Variants in PDE4D observed in about 807,000 individuals in gnomAD.
The protein encoded by PDE4D is 3',5'-cyclic-AMP phosphodiesterase 4D.
Under a neutral mutation model 87.4 loss-of-function variants are expected in PDE4D, and 24 were observed. The ratio of observed to expected loss-of-function variants is 0.27; its 90% CI spans 0.20 to 0.39. PDE4D has a LOEUF of 0.39. Among genes scored for constraint, PDE4D ranks in the 10% least tolerant of loss-of-function variants. The pLI is 1.00. For missense variants in PDE4D, 714 were observed against 1,041.0 expected, an observed-to-expected ratio of 0.69 and a Z score of 4.32; for synonymous variants, 384 against 383.2, an observed-to-expected ratio of 1.00 and a Z score of -0.02.
rs144431221 is a variant in PDE4D at position 59,317,580 on chromosome 5, G to T, written c.456-101612C>A. ...CTGCAGGCATACAGAGTCAGATTAC[G>T]TCTGACTGAATCTGCTTTCTCTATT... On this transcript the variant is annotated intron_variant, in intron 1 of 14. Coordinates refer to ENST00000340635, the MANE Select transcript of PDE4D (RefSeq NM_001104631.2). Among the ~76,000 whole-genome samples the T allele has an allele frequency of 4.6e-3, 702 of 152,136 alleles. 4 individuals carry two copies. The highest frequency in any genetic ancestry group is 0.02 in the South Asian group (94 of 4,816).
At chr5:59,425,831 A>C (rs1050808628) in intron 1 of PDE4D, among the ~76,000 whole-genome samples, 4 of 152,176 alleles carry the variant, frequency 2.6e-5, no homozygotes, top group Non-Finnish European at 4.4e-5. Flanking sequence ...TCGGATTACT[A>C]TCTCTCTCCA....
intron 1 of PDE4D, among the ~76,000 whole-genome samples, chr5:59,257,561 A>G (rs947109396): frequency 2.0e-5 from 3 of 151,988 alleles, no homozygotes; most frequent in African/African-American, 7.2e-5. Flanking sequence ...TTACTCACAT[A>G]TATCTACTAT....
chr5:59,914,236 A>T (rs1368937241), intron 3 of PDE4D, among the ~76,000 whole-genome samples: 1 of 152,202 alleles, frequency 6.6e-6, no homozygotes, highest in East Asian at 1.9e-4. Context: ...ATTAATATAC[A>T]TATTTTATCA....
chr5:60,082,425 A>G (rs1172574947), intron 2 of PDE4D, among the ~76,000 whole-genome samples: 2 of 152,130 alleles, frequency 1.3e-5, no homozygotes, highest in African/African-American at 4.8e-5. Flanking sequence ...TGTGAGATAA[A>G]TGTTTGTTGC....
chr5:59,380,686 T>G (rs1024015741), intron 1 of PDE4D, among the ~76,000 whole-genome samples: 12 of 152,200 alleles, frequency 7.9e-5, no homozygotes, highest in Admixed American at 6.5e-5. Context: ...TTTTGAGAAG[T>G]TCATATCTTG....
chr5:60,200,956 G>A (rs1009515983), intron 1 of PDE4D, among the ~76,000 whole-genome samples: 1 of 151,912 alleles, frequency 6.6e-6, no homozygotes, highest in South Asian at 2.1e-4. Context: ...TTAATAAAAC[G>A]GGACCAAAAG....
intron 1 of PDE4D, among the ~76,000 whole-genome samples, chr5:60,512,581 G>A (rs1158170656): frequency 6.6e-6 from 1 of 152,102 alleles, no homozygotes; most frequent in Non-Finnish European, 1.5e-5. Flanking sequence ...GGAAGTTTTA[G>A]AAGACTTTGG....
chr5:60,448,849 G>C (rs1205529888), intron 1 of PDE4D: 1 of 152,108 alleles, frequency 6.6e-6, no homozygotes, highest in Non-Finnish European at 1.5e-5. Context: ...ATAATGTTTA[G>C]TTTCTAATGC....
intron 1 of PDE4D, among the ~76,000 whole-genome samples, chr5:60,384,140 A>T (rs1762047676): frequency 6.6e-6 from 1 of 152,248 alleles, no homozygotes. Flanking sequence ...ATAGGGACCA[A>T]CTTGAAACTA....
At chr5:60,259,976 T>C (rs900168542) in intron 1 of PDE4D, among the ~76,000 whole-genome samples, 1 of 151,978 alleles carries the variant, frequency 6.6e-6, no homozygotes, top group African/African-American at 2.4e-5. Flanking sequence ...AAAGGAACTA[T>C]AGTTGTATAC....
At chr5:60,427,552 TAAGA>T (rs1368231378) in intron 1 of PDE4D, among the ~76,000 whole-genome samples, 1 of 152,062 alleles carries the variant, frequency 6.6e-6, no homozygotes, top group African/African-American at 2.4e-5. Context: ...ACCTACACTA[TAAGA>T]AATACAAAAA....
intron 1 of PDE4D, among the ~76,000 whole-genome samples, chr5:59,770,202 G>T (rs1300908842): frequency 6.6e-6 from 1 of 151,994 alleles, no homozygotes; most frequent in Non-Finnish European, 1.5e-5. Flanking sequence ...TCATTAAGTG[G>T]CAAGGTATGT....
At chr5:59,158,678 G>A (rs911148970) in intron 5 of PDE4D, among the ~76,000 whole-genome samples, 4 of 152,170 alleles carry the variant, frequency 2.6e-5, no homozygotes, top group African/African-American at 9.7e-5. Context: ...TTAGGAAAAA[G>A]TTAGATGATT....
chr5:59,971,658 ACTCTT>A (rs1315138679), intron 3 of PDE4D, among the ~76,000 whole-genome samples: 1 of 151,906 alleles, frequency 6.6e-6, no homozygotes, highest in African/African-American at 2.4e-5. Context: ...ATCTCAAGAG[ACTCTT>A]CTCTTCACTA....
chr5:59,497,273 T>G (rs1305994942), intron 1 of PDE4D, among the ~76,000 whole-genome samples: 1 of 143,556 alleles, frequency 7.0e-6, no homozygotes, highest in East Asian at 1.9e-4. Flanking sequence ...ACTCTGGCAA[T>G]ACAAAATGTC....
chr5:59,385,019 T>C (rs1786691956), intron 1 of PDE4D, among the ~76,000 whole-genome samples: 1 of 152,190 alleles, frequency 6.6e-6, no homozygotes, highest in African/African-American at 2.4e-5. Context: ...ATTGCTTTGG[T>C]TCTTTTCCAA....
intron 1 of PDE4D, among the ~76,000 whole-genome samples, chr5:60,215,815 T>A (rs1285272730): frequency 6.6e-6 from 1 of 152,082 alleles, no homozygotes; most frequent in Non-Finnish European, 1.5e-5. Context: ...AGTTTGAGAA[T>A]CACATATCCC....
intron 2 of PDE4D, among the ~76,000 whole-genome samples, chr5:60,012,596 A>G (rs200032977): frequency 3.0e-4 from 25 of 83,374 alleles, no homozygotes; most frequent in African/African-American, 9.0e-4. Flanking sequence ...TGCTATAACC[A>G]AAAAAAATGG....
intron 1 of PDE4D, among the ~76,000 whole-genome samples, chr5:59,647,158 G>A (rs971208595): frequency 2.0e-5 from 3 of 152,154 alleles, no homozygotes; most frequent in Non-Finnish European, 2.9e-5. Flanking sequence ...AAGTTGAAAT[G>A]GAAGCTTTCA....
Sources: gnomAD v4.1 joint callset for allele counts (sites outside exome capture counted in the v4.1 genomes callset) on GRCh38, gnomAD v4.1.1 for gene constraint, MANE v1.5 for transcripts, NCBI Gene and HGNC (gene_info 2026-07-23, HGNC 2026-07-21) for gene names.